The following ALMS1 variants were observed in gnomAD, a reference collection of about 807,000 sequenced individuals.
The protein encoded by ALMS1 is ALMS1 centrosome and basal body associated protein.
ALMS1 carries 271 observed loss-of-function variants against 352.2 expected under a neutral mutation model. The observed-to-expected ratio is 0.77, with a 90% CI of 0.70 to 0.85. ALMS1 has a LOEUF of 0.85. Among genes scored for constraint, ALMS1 ranks in the 40% least tolerant of loss-of-function variants. The pLI is 0.00. For missense variants in ALMS1, 5,445 were observed against 4,870.7 expected, an observed-to-expected ratio of 1.12 and a Z score of -3.51; for synonymous variants, 1,865 against 1,761.2, an observed-to-expected ratio of 1.06 and a Z score of -1.48.
chr2:73,530,099 C>A (rs1399056421), intron 11 of ALMS1, among the ~76,000 whole-genome samples: 1 of 152,152 alleles, frequency 6.6e-6, no homozygotes, highest in Non-Finnish European at 1.5e-5. Context: ...ATGTCCTTTT[C>A]ACATTTAAAA....
chr2:73,440,468 C>G (rs137895300), intron 7 of ALMS1, among the ~76,000 whole-genome samples: 8 of 152,130 alleles, frequency 5.3e-5, no homozygotes, highest in African/African-American at 1.7e-4. Context: ...CTCTCTCTCT[C>G]TCTTGCTGTC....
chr2:73,434,990 A>C (rs1318400395), intron 7 of ALMS1, among the ~76,000 whole-genome samples: 3 of 152,162 alleles, frequency 2.0e-5, no homozygotes, highest in African/African-American at 7.2e-5. Context: ...TAATTGTTAT[A>C]AATTGTTCCT....
Position 73,579,070 on chromosome 2 carries a change from TATTTA to T in ALMS1, c.11547+5647_11547+5651del, listed in dbSNP as rs1160673452. On this transcript the variant is annotated intron_variant, in intron 16 of 22. Transcript: ENST00000613296. ...TTTAATTTCTCCTTTATTCTTTTTT[TATTTA>T]TTTTTTTTTTTGAGACGGAGTCGTC... 4.2e-4 allele frequency among the ~76,000 whole-genome samples: 58 copies of T among 136,690 alleles called. 3 individuals carry two copies. The highest frequency in any genetic ancestry group is 1.0e-3 in the East Asian group (5 of 4,978). 89.7% of individuals were successfully genotyped at this position (136,690 alleles called of 152,430 possible).
chr2:73,431,956 G>C (rs1371321548), intron 6 of ALMS1, among the ~76,000 whole-genome samples: 1 of 152,088 alleles, frequency 6.6e-6, no homozygotes, highest in Non-Finnish European at 1.5e-5. Context: ...GGATGATTTA[G>C]TCTTCTAGAG....
chr2:73,574,434 G>A (rs576355716), intron 16 of ALMS1, among the ~76,000 whole-genome samples: 3 of 152,134 alleles, frequency 2.0e-5, no homozygotes, highest in African/African-American at 7.2e-5. Flanking sequence ...TTATATTTTT[G>A]TGTATATTTT....
intron 10 of ALMS1, among the ~76,000 whole-genome samples, chr2:73,511,677 A>G (rs1589576): frequency 0.24 from 36,559 of 152,022 alleles, 5,610 homozygotes; most frequent in African/African-American, 0.44. Flanking sequence ...TTATTTCTCT[A>G]TGACAGTGGG....
chr2:73,568,856 A>T (rs1025336443), intron 15 of ALMS1, among the ~76,000 whole-genome samples: 1 of 152,120 alleles, frequency 6.6e-6, no homozygotes, highest in East Asian at 1.9e-4. Flanking sequence ...TTCCATTATC[A>T]GAAGTAAATA....
chr2:73,607,964 C>G (rs1396637671), intron 21 of ALMS1, among the ~76,000 whole-genome samples: 1 of 151,994 alleles, frequency 6.6e-6, no homozygotes, highest in Non-Finnish European at 1.5e-5. Context: ...ACCCAGCGCT[C>G]CTATCTATTC....
chr2:73,508,981 T>C (rs1673395205), intron 10 of ALMS1, among the ~76,000 whole-genome samples: 1 of 152,230 alleles, frequency 6.6e-6, no homozygotes, highest in African/African-American at 2.4e-5. Context: ...TGTAATGCTC[T>C]TCTTTGTCTT....
At chr2:73,479,855 G>A (rs146246732) in intron 9 of ALMS1, among the ~76,000 whole-genome samples, 10 of 152,082 alleles carry the variant, frequency 6.6e-5, no homozygotes, top group South Asian at 6.2e-4. Flanking sequence ...TGAGTAATCC[G>A]TCTACTCCAT....
chr2:73,425,937 T>G (rs1442149457), intron 5 of ALMS1, among the ~76,000 whole-genome samples: 1 of 152,224 alleles, frequency 6.6e-6, no homozygotes, highest in Non-Finnish European at 1.5e-5. Flanking sequence ...AGTCATCTGC[T>G]TCTTTGAGTG....
intron 16 of ALMS1, among the ~76,000 whole-genome samples, chr2:73,583,971 T>G (rs1675255316): frequency 6.6e-6 from 1 of 152,206 alleles, no homozygotes; most frequent in Non-Finnish European, 1.5e-5. Flanking sequence ...CAGGATTTCT[T>G]ATCATTTTTA....
intron 15 of ALMS1, among the ~76,000 whole-genome samples, chr2:73,568,721 T>A (rs1334861888): frequency 6.6e-6 from 1 of 152,186 alleles, no homozygotes; most frequent in African/African-American, 2.4e-5. Context: ...CATGTTTAAT[T>A]TTTAAAAGTC....
chr2:73,452,975 A>T lies in ALMS1; in HGVS notation c.6448A>T (p.Ile2150Phe). Residue 2150 changes from isoleucine (I) to phenylalanine (F), a missense_variant, in exon 8 of 23, where the codon ATT (isoleucine) becomes TTT (phenylalanine). Ile to Phe is a conservative substitution (Grantham distance 21, BLOSUM62 0). Coordinates refer to ENST00000613296, the MANE Select transcript of ALMS1 (RefSeq NM_001378454.1). Reference protein sequence around the residue: ...SSFSHREKPDIFYQKDLPDRH... With the variant: ...SSFSHREKPDFFYQKDLPDRH... ...CTTTTCACATCGAGAGAAACCAGATATTTTCTATCAAAAGGATTTGCCAGA... is the reference window on the plus strand; with the variant it reads ...CTTTTCACATCGAGAGAAACCAGATTTTTTCTATCAAAAGGATTTGCCAGA... 6.2e-7 allele frequency: 1 copy of T among 1,612,426 alleles called. No individual in the cohort carries two copies. Among genetic ancestry groups the T allele is most frequent in the Non-Finnish European group, 8.5e-7 (1 of 1,179,188 alleles).
intron 6 of ALMS1, among the ~76,000 whole-genome samples, 167 bp from the exon 7 acceptor site, chr2:73,432,024 AAGTAACT>A (rs924517271): frequency 2.6e-5 from 4 of 152,232 alleles, no homozygotes; most frequent in Admixed American, 6.5e-5. Flanking sequence ...TTATGATCTT[AAGTAACT>A]AGTATAACTT....
chr2:73,541,234 G>A (rs537866131), intron 12 of ALMS1, among the ~76,000 whole-genome samples: 9 of 152,096 alleles, frequency 5.9e-5, no homozygotes, highest in East Asian at 1.9e-4. Flanking sequence ...AGAACCGCTC[G>A]ACTACATGGA....
At chr2:73,464,419 T>G (rs567872574) in intron 9 of ALMS1, among the ~76,000 whole-genome samples, 1 of 152,290 alleles carries the variant, frequency 6.6e-6, no homozygotes, top group African/African-American at 2.4e-5. Context: ...AAACTCTCAA[T>G]AAATGAGGTA....
chr2:73,577,938 T>G (rs775552218), intron 16 of ALMS1, among the ~76,000 whole-genome samples: 6 of 152,186 alleles, frequency 3.9e-5, no homozygotes, highest in Non-Finnish European at 7.4e-5. Flanking sequence ...CTTATCAGTC[T>G]TTTGTCCAGT....
At chr2:73,514,649 C>T (rs958841827) in intron 10 of ALMS1, among the ~76,000 whole-genome samples, 3 of 152,128 alleles carry the variant, frequency 2.0e-5, no homozygotes, top group African/African-American at 4.8e-5. Flanking sequence ...TACATACACA[C>T]ATCCTTTAAG....
Sources: allele counts gnomAD v4.1 joint callset (sites outside exome capture counted in the v4.1 genomes callset), GRCh38; gene constraint gnomAD v4.1.1; transcripts MANE v1.5; gene names NCBI Gene and HGNC (gene_info 2026-07-23, HGNC 2026-07-21).